GULP1: variants seen among roughly 807,000 people sequenced by gnomAD.
The protein encoded by GULP1 is PTB domain-containing engulfment adapter protein 1.
GULP1 carries 19 observed loss-of-function variants against 40.9 expected under a neutral mutation model. The observed-to-expected ratio is 0.46, with a 90% CI of 0.32 to 0.68. The LOEUF (loss-of-function observed/expected upper bound fraction) is 0.68, where lower values mean the gene tolerates loss of function less well. Ranked by LOEUF, GULP1 falls within the 30% of genes least tolerant of loss-of-function variation. The pLI, the probability that GULP1 is intolerant of heterozygous loss-of-function variation, is 0.03. For missense variants in GULP1, 312 were observed against 362.2 expected (o/e 0.86, Z 1.12); for synonymous variants, 119 against 117.6 (o/e 1.01, Z -0.08).
At chr2:188,372,927 A>G (rs1400195767) in intron 1 of GULP1, among the ~76,000 whole-genome samples, 1 of 152,168 alleles carries the variant, frequency 6.6e-6, no homozygotes, top group East Asian at 1.9e-4. Context: ...TAGGAGAGAA[A>G]AAATTCCCTT....
chr2:188,335,743 T>A (rs67086516), intron 1 of GULP1, among the ~76,000 whole-genome samples: 2 of 152,204 alleles, frequency 1.3e-5, no homozygotes, highest in South Asian at 4.1e-4. Flanking sequence ...TAGTTTATAG[T>A]AACAAGATAA....
intron 4 of GULP1, among the ~76,000 whole-genome samples, chr2:188,485,609 G>GA (rs71399281): frequency 0.11 from 16,667 of 150,182 alleles, 1,051 homozygotes; most frequent in Middle Eastern, 0.18. Flanking sequence ...TGGCACAATA[G>GA]AAAAAAAAAT....
At chr2:188,403,494 C>G (rs754080504) in intron 2 of GULP1, among the ~76,000 whole-genome samples, 1 of 152,048 alleles carries the variant, frequency 6.6e-6, no homozygotes, top group Non-Finnish European at 1.5e-5. Flanking sequence ...ATAAACGAAG[C>G]ACACACAGGA....
chr2:188,591,304 A>G (rs1359475428), intron 11 of GULP1: 3 of 152,094 alleles, frequency 2.0e-5, no homozygotes, highest in Non-Finnish European at 4.4e-5. Context: ...TGATAAAACA[A>G]GCACTGTAAA....
intron 7 of GULP1, chr2:188,541,829 G>T (rs984160277): frequency 6.1e-6 from 1 of 162,844 alleles, no homozygotes; most frequent in African/African-American, 2.4e-5. Flanking sequence ...AAAATCTTAG[G>T]CCAGGCGCGG....
At chr2:188,558,566 G>A (rs1021327329) in intron 7 of GULP1, among the ~76,000 whole-genome samples, 6 of 152,198 alleles carry the variant, frequency 3.9e-5, no homozygotes, top group African/African-American at 1.4e-4. Context: ...ACCCAAAAAT[G>A]TGGAAGTGGC....
intron 2 of GULP1, among the ~76,000 whole-genome samples, chr2:188,421,566 G>A (rs1425859426): frequency 6.6e-6 from 1 of 151,956 alleles, no homozygotes. Flanking sequence ...AATGTTTTTT[G>A]AGTGCCCAAT....
In GULP1 at chr2:188,587,811, C is replaced by T. The variant is rs763133622; in HGVS notation, c.749-44C>T. 5.8e-6 allele frequency: 6 copies of T among 1,028,314 alleles called. No homozygotes were observed. The Admixed American group carries it at 1.1e-4, about 19-fold the overall frequency. 63.7% of individuals were successfully genotyped at this position (1,028,314 alleles called of 1,614,324 possible). ...CTTTGAAATCTAACTAACTCCAGCT[C>T]ACTTCTTGTTATTTCATTTACTAAA... On this transcript the variant is annotated intron_variant, in intron 10 of 11. Transcript: ENST00000409830.
chr2:188,579,412 CATA>C (rs1700823406), intron 9 of GULP1, among the ~76,000 whole-genome samples: 1 of 151,678 alleles, frequency 6.6e-6, no homozygotes, highest in Admixed American at 6.6e-5. Context: ...TCTATTGATA[CATA>C]TTAGTTGTAC....
intron 4 of GULP1, among the ~76,000 whole-genome samples, chr2:188,519,885 T>C (rs538364143): frequency 1.4e-4 from 22 of 152,108 alleles, no homozygotes; most frequent in Non-Finnish European, 2.5e-4. Context: ...CTCAGGCAGA[T>C]CTCTTGCCTC....
chr2:188,524,825 T>G (rs1011153287), intron 5 of GULP1, among the ~76,000 whole-genome samples: 1 of 151,794 alleles, frequency 6.6e-6, no homozygotes, highest in Non-Finnish European at 1.5e-5. Flanking sequence ...ACATATGAAT[T>G]CTGACTACTT....
At chr2:188,315,786 CTAAAAG>C (rs2106464145) in intron 1 of GULP1, among the ~76,000 whole-genome samples, 1 of 151,864 alleles carries the variant, frequency 6.6e-6, no homozygotes, top group African/African-American at 2.4e-5. Context: ...ACAATAATAA[CTAAAAG>C]TAAAATAGAA....
At position 188,594,007 on chromosome 2, in the gene GULP1, G is replaced by A. The variant is rs751158905; in HGVS notation, c.911G>A (p.Cys304Tyr). 1.3e-6 allele frequency: 2 copies of A among 1,570,758 alleles called. No individual in the cohort carries two copies. The highest frequency in any genetic ancestry group is 1.4e-5 in the African/African-American group (1 of 74,050). The change falls in exon 12 of 12, where the codon TGC becomes TAC. Residue 304 changes from cysteine (C) to tyrosine (Y), a missense_variant. Coordinates refer to ENST00000409830, the MANE Select transcript of GULP1 (RefSeq NM_016315.4). ...VFCLDPLDSR[C>Y] is the part of the protein sequence containing the mutation. ...TGTCTCGACCCGTTAGACAGTAGGT[G>A]CTGACATCAAGAACAAGAAATCCTG... is the stretch of plus-strand genomic sequence containing the variant.
intron 7 of GULP1, among the ~76,000 whole-genome samples, chr2:188,556,974 A>G (rs1694927425): frequency 6.6e-6 from 1 of 151,958 alleles, no homozygotes; most frequent in African/African-American, 2.4e-5. Context: ...CAGTGAGCCT[A>G]GATCGTGCCA....
Position 188,452,530 on chromosome 2 carries a change from T to C in GULP1, c.-44-25129T>C, listed in dbSNP as rs79297710. The stretch of plus-strand genomic sequence containing the variant: ...ATTTTTTCATTTTATCTTCTGCAAT[T>C]CTCACTTCTCAAGAATTTATAGAAC... On this transcript the variant is annotated intron_variant, in intron 2 of 11. Transcript: ENST00000409830. Among the ~76,000 whole-genome samples the C allele has an allele frequency of 2.4e-3, 360 of 152,336 alleles. 1 individual carries two copies. The highest frequency in any genetic ancestry group is 8.2e-3 in the African/African-American group (339 of 41,572).
At chr2:188,485,607 T>C (rs1336891428) in intron 4 of GULP1, among the ~76,000 whole-genome samples, 1 of 148,290 alleles carries the variant, frequency 6.7e-6, no homozygotes, top group Non-Finnish European at 1.5e-5. Flanking sequence ...CTTGGCACAA[T>C]AGAAAAAAAA....
chr2:188,575,010 T>A (rs1343641945), intron 9 of GULP1, among the ~76,000 whole-genome samples: 1 of 152,208 alleles, frequency 6.6e-6, no homozygotes, highest in African/African-American at 2.4e-5. Flanking sequence ...GTCACTTATA[T>A]GTTATATACA....
At chr2:188,527,773 T>C (rs1686556555) in intron 5 of GULP1, among the ~76,000 whole-genome samples, 1 of 152,166 alleles carries the variant, frequency 6.6e-6, no homozygotes, top group East Asian at 1.9e-4. Flanking sequence ...GCATTAATTA[T>C]ATTATTATGT....
At chr2:188,525,526 A>G (rs543898825) in intron 5 of GULP1, among the ~76,000 whole-genome samples, 22 of 152,336 alleles carry the variant, frequency 1.4e-4, no homozygotes, top group East Asian at 9.6e-4. Context: ...TGATTTATAT[A>G]TATTTTATTA....
Sources: gnomAD v4.1 joint callset for allele counts (sites outside exome capture counted in the v4.1 genomes callset) on GRCh38, gnomAD v4.1.1 for gene constraint, MANE v1.5 for transcripts, NCBI Gene and HGNC (gene_info 2026-07-23, HGNC 2026-07-21) for gene names.